Variants in GLIS3 observed in about 807,000 individuals in gnomAD.
The protein encoded by GLIS3 is GLIS family zinc finger 3.
In GLIS3, 53 loss-of-function variants were observed where a neutral mutation model predicts 78.6. The observed-to-expected ratio is 0.67, with a 90% CI of 0.54 to 0.85. The LOEUF is 0.85. Among genes scored for constraint, GLIS3 ranks in the 40% least tolerant of loss-of-function variants. The pLI is 0.00. For synonymous variants in GLIS3, 684 were observed against 509.9 expected (o/e 1.34, Z -4.60); for missense variants, 1,703 against 1,231.1 (o/e 1.38, Z -5.74).
chr9:4,090,301 A>T (rs1180121655), intron 4 of GLIS3, among the ~76,000 whole-genome samples: 1 of 152,066 alleles, frequency 6.6e-6, no homozygotes, highest in Non-Finnish European at 1.5e-5. Context: ...GGCTCAATAT[A>T]TATTTGATTT....
chr9:4,359,280 G>T, the GLIS3 span, among the ~76,000 whole-genome samples: 2 of 151,728 alleles, frequency 1.3e-5, no homozygotes, highest in East Asian at 1.9e-4. Context: ...TGAGTGGCTG[G>T]AACTGGCATA....
the GLIS3 span, among the ~76,000 whole-genome samples, chr9:4,400,107 A>G: frequency 1.3e-5 from 2 of 152,194 alleles, no homozygotes; most frequent in Non-Finnish European, 2.9e-5. Context: ...GACCAGGAGT[A>G]TCATTGGTGT....
At chr9:3,880,256 G>A (rs971898210) in intron 7 of GLIS3, among the ~76,000 whole-genome samples, 13 of 152,174 alleles carry the variant, frequency 8.5e-5, no homozygotes, top group Admixed American at 2.0e-4. Flanking sequence ...ACTGTTGCCC[G>A]TTATGACACA....
At chr9:4,330,584 T>C (rs1431823706) in intron 2 of GLIS3, among the ~76,000 whole-genome samples, 1 of 145,740 alleles carries the variant, frequency 6.9e-6, no homozygotes, top group Non-Finnish European at 1.5e-5. Context: ...GAGGTGGAGG[T>C]GAAGGTTGGA....
chr9:4,156,550 G>A (rs973557310), intron 2 of GLIS3, among the ~76,000 whole-genome samples: 1 of 152,216 alleles, frequency 6.6e-6, no homozygotes, highest in South Asian at 2.1e-4. Context: ...CAAGGACAAA[G>A]TGTATTTGGT....
intron 4 of GLIS3, among the ~76,000 whole-genome samples, chr9:4,114,308 C>T (rs984748169): frequency 8.5e-5 from 13 of 152,114 alleles, no homozygotes; most frequent in African/African-American, 3.1e-4. Flanking sequence ...TCAGGGTGCA[C>T]TCTGTTGGAA....
At chr9:4,434,689 G>C in the GLIS3 span, among the ~76,000 whole-genome samples, 4 of 152,226 alleles carry the variant, frequency 2.6e-5, no homozygotes, top group Non-Finnish European at 5.9e-5. Context: ...ATGTAAGCCA[G>C]TTCTTCTTCC....
At chr9:3,891,094 AGT>A in intron 7 of GLIS3, among the ~76,000 whole-genome samples, 15 of 150,076 alleles carry the variant, frequency 1.0e-4, no homozygotes, top group African/African-American at 3.4e-4. Context: ...AGAAGAAGAA[AGT>A]AGGAGGAAGA....
chr9:4,365,097 T>A, the GLIS3 span, among the ~76,000 whole-genome samples: 2 of 152,224 alleles, frequency 1.3e-5, no homozygotes, highest in African/African-American at 4.8e-5. Flanking sequence ...AGGATCCTGT[T>A]CCTGGTGTAG....
intron 2 of GLIS3, among the ~76,000 whole-genome samples, chr9:4,236,418 A>C (rs978346103): frequency 6.6e-6 from 1 of 152,188 alleles, no homozygotes; most frequent in African/African-American, 2.4e-5. Context: ...CACTTTTTAA[A>C]AGTATTTCCC....
chr9:3,912,029 A>T (rs1824188644), intron 6 of GLIS3, among the ~76,000 whole-genome samples: 1 of 152,142 alleles, frequency 6.6e-6, no homozygotes, highest in African/African-American at 2.4e-5. Flanking sequence ...ATACAGGTTC[A>T]TATCTCAGCT....
chr9:4,002,964 T>C (rs1335308184), intron 4 of GLIS3, among the ~76,000 whole-genome samples: 1 of 152,214 alleles, frequency 6.6e-6, no homozygotes, highest in South Asian at 2.1e-4. Flanking sequence ...GCTAAAGCCA[T>C]AGTTGCATAC....
intron 2 of GLIS3, among the ~76,000 whole-genome samples, chr9:4,233,060 G>C (rs1822413737): frequency 6.6e-6 from 1 of 152,192 alleles, no homozygotes; most frequent in Non-Finnish European, 1.5e-5. Context: ...AGGAGGATGA[G>C]CTCTAATGGC....
At chr9:4,194,232 T>C (rs1035058633) in intron 2 of GLIS3, among the ~76,000 whole-genome samples, 6 of 152,002 alleles carry the variant, frequency 3.9e-5, no homozygotes, top group Non-Finnish European at 8.8e-5. Flanking sequence ...TAATTTCTTT[T>C]GTATTTTAGT....
At chr9:4,430,167 A>G in the GLIS3 span, among the ~76,000 whole-genome samples, 3 of 152,320 alleles carry the variant, frequency 2.0e-5, no homozygotes, top group South Asian at 6.2e-4. Context: ...CCGGGCTAAG[A>G]TAAGAGAGGG....
At chr9:4,305,999 A>G (rs1817218965) in intron 4 of GLIS3, 1 of 152,232 alleles carries the variant, frequency 6.6e-6, no homozygotes, top group Non-Finnish European at 1.5e-5. Context: ...ATACAAAGAT[A>G]AGCAAGACAA....
chr9:4,267,599 C>G (rs940678582), intron 2 of GLIS3, among the ~76,000 whole-genome samples: 18 of 152,364 alleles, frequency 1.2e-4, no homozygotes, highest in Non-Finnish European at 5.9e-5. Context: ...AAGTCTATGT[C>G]TGGCACATCT....
chr9:3,879,482 G>C lies in GLIS3; in HGVS notation c.2242C>G (p.His748Asp). Residue 748 changes from histidine to aspartate, a missense_variant, in exon 8 of 11, where the codon CAC (histidine) becomes GAC (aspartate). His to Asp is a moderately conservative substitution (Grantham distance 81). Coordinates refer to ENST00000381971, the MANE Select transcript of GLIS3 (RefSeq NM_001042413.2). ...GGAGGTAACTGGGAGGAGGGGTTGT[G>C]AGGGCTCCCCTGTACATTATGTCCT... ...SPGHNVQGSP[H>D]NPSSQLPPLT... is the part of the protein sequence containing the mutation. 6.2e-7 allele frequency: 1 copy of C among 1,614,160 alleles called. No homozygotes were observed. The highest frequency in any genetic ancestry group is 1.1e-5 in the South Asian group (1 of 91,070).
intron 2 of GLIS3, among the ~76,000 whole-genome samples, chr9:4,319,240 G>A (rs1368880591): frequency 1.3e-5 from 2 of 152,142 alleles, no homozygotes; most frequent in Admixed American, 6.5e-5. Flanking sequence ...TCATCATACT[G>A]TGGTTATGTT....
Sources: gnomAD v4.1 joint callset for allele counts (sites outside exome capture counted in the v4.1 genomes callset) on GRCh38, gnomAD v4.1.1 for gene constraint, MANE v1.5 for transcripts, NCBI Gene and HGNC (gene_info 2026-07-23, HGNC 2026-07-21) for gene names.